PHF24: variants seen among roughly 807,000 people sequenced by gnomAD.
PHF24 encodes Galpha inhibitory interacting protein.
Under a neutral mutation model 42.6 loss-of-function variants are expected in PHF24, and 25 were observed. The ratio of observed to expected loss-of-function variants is 0.59; its 90% CI spans 0.43 to 0.82. The LOEUF (loss-of-function observed/expected upper bound fraction) is 0.82. Ranked by LOEUF, PHF24 falls within the 40% of genes least tolerant of loss-of-function variation. The probability of loss-of-function intolerance (pLI) is 0.00; values close to 1 mark genes in which losing one functional copy is unlikely to be tolerated. For missense variants in PHF24, 470 were observed against 538.1 expected (o/e 0.87, Z 1.25); for synonymous variants, 185 against 204.8 (o/e 0.90, Z 0.83).
At chr9:34,979,662 C>T (rs1254755099) in exon 8 of PHF24, 1 of 152,250 alleles carries the variant, frequency 6.6e-6, no homozygotes. Context: ...TACAGAAGAA[C>T]ACACACCGCT....
chr9:34,673,481 G>T, the PHF24 span, among the ~76,000 whole-genome samples: 1 of 150,072 alleles, frequency 6.7e-6, no homozygotes, highest in Non-Finnish European at 1.5e-5. Context: ...TTGTTTGTTT[G>T]TTTTTTTAAG....
the PHF24 span, among the ~76,000 whole-genome samples, chr9:34,688,993 G>A: frequency 1.3e-5 from 2 of 152,226 alleles, no homozygotes; most frequent in African/African-American, 2.4e-5. Flanking sequence ...ACCCAGCCTG[G>A]GGTCAGGGAA....
the PHF24 span, among the ~76,000 whole-genome samples, chr9:34,879,801 C>T: frequency 6.6e-6 from 1 of 152,100 alleles, no homozygotes; most frequent in Non-Finnish European, 1.5e-5. Context: ...GGAGAACTTC[C>T]CCAATCTAGC....
the PHF24 span, among the ~76,000 whole-genome samples, chr9:34,766,491 A>G: frequency 1.3e-5 from 2 of 152,140 alleles, no homozygotes; most frequent in African/African-American, 4.8e-5. Context: ...AGATGGTCTC[A>G]TCAGCTCCTG....
At chr9:34,704,278 A>G in the PHF24 span, among the ~76,000 whole-genome samples, 1 of 151,236 alleles carries the variant, frequency 6.6e-6, no homozygotes, top group Non-Finnish European at 1.5e-5. Context: ...CCATCTGCCC[A>G]CCTCAGCCTC....
chr9:34,670,673 T>C, the PHF24 span, among the ~76,000 whole-genome samples: 1 of 152,164 alleles, frequency 6.6e-6, no homozygotes, highest in Non-Finnish European at 1.5e-5. Flanking sequence ...GTGATGTTGC[T>C]CCTTTGGAGG....
the PHF24 span, among the ~76,000 whole-genome samples, chr9:34,759,884 C>G: frequency 9.8e-5 from 15 of 152,320 alleles, no homozygotes; most frequent in Non-Finnish European, 2.1e-4. Flanking sequence ...AGTCTCATGT[C>G]TTTTTGCAGG....
At chr9:34,816,577 C>T in the PHF24 span, among the ~76,000 whole-genome samples, 1 of 152,254 alleles carries the variant, frequency 6.6e-6, no homozygotes, top group Non-Finnish European at 1.5e-5. Flanking sequence ...TAGATAGTGC[C>T]TTCTCGCTGT....
chr9:34,924,471 A>G, the PHF24 span, among the ~76,000 whole-genome samples: 2 of 152,184 alleles, frequency 1.3e-5, no homozygotes, highest in Non-Finnish European at 2.9e-5. Context: ...CTGCATATAC[A>G]TTAATACTTG....
At chr9:34,864,804 T>C in the PHF24 span, among the ~76,000 whole-genome samples, 1 of 152,004 alleles carries the variant, frequency 6.6e-6, no homozygotes, top group African/African-American at 2.4e-5. Context: ...AAAAGATGAA[T>C]GAATCAAAAA....
the PHF24 span, among the ~76,000 whole-genome samples, chr9:34,734,731 A>G: frequency 6.6e-6 from 1 of 152,318 alleles, no homozygotes; most frequent in African/African-American, 2.4e-5. Flanking sequence ...ATCAGGGAGA[A>G]GGCCCTGTCC....
upstream of PHF24, among the ~76,000 whole-genome samples, chr9:34,956,851 C>T (rs907532430): frequency 6.6e-6 from 1 of 152,170 alleles, no homozygotes; most frequent in African/African-American, 2.4e-5. Context: ...CTAATAAGTA[C>T]TAATTTTAGA....
the PHF24 span, among the ~76,000 whole-genome samples, chr9:34,820,855 C>T: frequency 4.6e-4 from 70 of 152,252 alleles, 1 homozygote; most frequent in African/African-American, 1.6e-3. Context: ...CTATCAGCAG[C>T]GTGTAAGTAT....
the PHF24 span, among the ~76,000 whole-genome samples, chr9:34,910,974 C>T: frequency 2.6e-5 from 4 of 152,074 alleles, no homozygotes; most frequent in Non-Finnish European, 5.9e-5. Context: ...AGACACACAT[C>T]ATCACACCTG....
the PHF24 span, among the ~76,000 whole-genome samples, chr9:34,788,127 T>A: frequency 6.6e-6 from 1 of 152,150 alleles, no homozygotes; most frequent in Non-Finnish European, 1.5e-5. Flanking sequence ...AGCCTTGGTT[T>A]CCCAGGCTCA....
chr9:34,886,834 G>GTATCTATC, the PHF24 span, among the ~76,000 whole-genome samples: 38,956 of 148,582 alleles, frequency 0.26, 5,490 homozygotes, highest in Middle Eastern at 0.33. Flanking sequence ...ATGTATCTAT[G>GTATCTATC]TATCTATCTA....
the PHF24 span, among the ~76,000 whole-genome samples, chr9:34,925,344 T>C: frequency 6.6e-6 from 1 of 152,196 alleles, no homozygotes; most frequent in Non-Finnish European, 1.5e-5. Context: ...CCTGTTTGGG[T>C]TGAATCTACT....
chr9:34,845,271 C>A, the PHF24 span, among the ~76,000 whole-genome samples: 1 of 152,210 alleles, frequency 6.6e-6, no homozygotes, highest in South Asian at 2.1e-4. Context: ...TTTTTTTACT[C>A]CACTCTGCCA....
the PHF24 span, among the ~76,000 whole-genome samples, chr9:34,694,498 G>GT: frequency 6.6e-6 from 1 of 151,970 alleles, no homozygotes; most frequent in Non-Finnish European, 1.5e-5. Context: ...ACCCAGCTAA[G>GT]TTTTTTGTAT....
Sources: gnomAD v4.1 joint callset for allele counts (sites outside exome capture counted in the v4.1 genomes callset) on GRCh38, gnomAD v4.1.1 for gene constraint, MANE v1.5 for transcripts, NCBI Gene and HGNC (gene_info 2026-07-23, HGNC 2026-07-21) for gene names.